SPATA16: variants seen among roughly 807,000 people sequenced by gnomAD.
SPATA16 encodes spermatogenesis-associated protein 16.
Under a neutral mutation model 63.3 loss-of-function variants are expected in SPATA16, and 36 were observed. The ratio of observed to expected loss-of-function variants is 0.57; its 90% CI spans 0.44 to 0.75. SPATA16 has a LOEUF of 0.75. Ranked by LOEUF, SPATA16 falls within the 30% of genes least tolerant of loss-of-function variation. The pLI, the probability that SPATA16 is intolerant of heterozygous loss-of-function variation, is 0.00. For synonymous variants in SPATA16, 203 were observed against 216.7 expected, an observed-to-expected ratio of 0.94 and a Z score of 0.56; for missense variants, 646 against 679.3, an observed-to-expected ratio of 0.95 and a Z score of 0.54.
chr3:172,956,621 A>G (rs907030864), intron 6 of SPATA16, 56 bp downstream of exon 6: 4 of 1,565,524 alleles, frequency 2.6e-6, no homozygotes, highest in African/African-American at 1.4e-5. Context: ...AGAACCCTGT[A>G]TTTGTTTTAT....
rs772179095 is a variant in SPATA16 at position 173,049,034 on chromosome 3, T to C, written c.673A>G (p.Ser225Gly). The C allele has an allele frequency of 4.3e-6, 7 of 1,613,706 alleles. No individual in the cohort carries two copies. The highest frequency in any genetic ancestry group is 5.9e-6 in the Non-Finnish European group (7 of 1,179,790). Residue 225 changes from serine (S) to glycine (G), a missense_variant, in exon 3 of 11, where the codon AGC becomes GGC. By Grantham distance (56) the Ser-to-Gly change is moderately conservative. Transcript: ENST00000351008. ...TTTGTCTCAATGAAACTTGCCACGCTTGCTATATCTTCAGCAGGTGCATCA... is the reference window on the plus strand; with the variant it reads ...TTTGTCTCAATGAAACTTGCCACGCCTGCTATATCTTCAGCAGGTGCATCA... ...PFDAPAEDIA[S>G]VASFIETKLV...
intron 4 of SPATA16, among the ~76,000 whole-genome samples, chr3:172,984,742 T>G (rs1203263220): frequency 3.9e-5 from 6 of 152,176 alleles, no homozygotes; most frequent in Admixed American, 2.0e-4. Context: ...TGATGGGAAT[T>G]TTTCTTGAGG....
chr3:173,126,129 T>G (rs1157046818), intron 1 of SPATA16, among the ~76,000 whole-genome samples: 1 of 151,024 alleles, frequency 6.6e-6, no homozygotes, highest in Admixed American at 6.6e-5. Context: ...TATTGTAGTC[T>G]TTGTTAGGGA....
intron 2 of SPATA16, among the ~76,000 whole-genome samples, chr3:173,102,075 A>T (rs984242573): frequency 9.2e-5 from 14 of 152,200 alleles, no homozygotes; most frequent in Admixed American, 9.2e-4. Context: ...ATTTTCATGT[A>T]GATTCATGAT....
intron 4 of SPATA16, among the ~76,000 whole-genome samples, chr3:172,995,059 A>C (rs760981283): frequency 4.6e-5 from 7 of 152,128 alleles, no homozygotes; most frequent in African/African-American, 7.2e-5. Context: ...GGGAATCATT[A>C]GTATATTGAT....
intron 2 of SPATA16, among the ~76,000 whole-genome samples, chr3:173,073,545 C>T (rs1736721706): frequency 6.6e-6 from 1 of 152,236 alleles, no homozygotes; most frequent in Non-Finnish European, 1.5e-5. Flanking sequence ...GCCATGGCAG[C>T]TTCCACATGG....
At chr3:173,083,554 G>A (rs1327443338) in intron 2 of SPATA16, among the ~76,000 whole-genome samples, 2 of 152,048 alleles carry the variant, frequency 1.3e-5, no homozygotes, top group Admixed American at 6.6e-5. Flanking sequence ...ATAGGTAAAC[G>A]TGCGCCCTGG....
intron 3 of SPATA16, among the ~76,000 whole-genome samples, chr3:173,044,491 C>T (rs1318939151): frequency 6.6e-6 from 1 of 152,150 alleles, no homozygotes; most frequent in South Asian, 2.1e-4. Flanking sequence ...CATCTCTTCA[C>T]TCATTACAAC....
At chr3:173,113,461 C>T (rs1351304852) in intron 2 of SPATA16, among the ~76,000 whole-genome samples, 3 of 152,066 alleles carry the variant, frequency 2.0e-5, no homozygotes, top group Non-Finnish European at 4.4e-5. Flanking sequence ...AGAAAGCATG[C>T]AAAAATAAGT....
chr3:173,093,517 G>A (rs182647055), intron 2 of SPATA16, among the ~76,000 whole-genome samples: 4 of 152,088 alleles, frequency 2.6e-5, no homozygotes, highest in Admixed American at 1.3e-4. Context: ...CACAGAAGAG[G>A]CACACAATAA....
At chr3:173,117,033 A>C (rs1737915814) in intron 2 of SPATA16, 87 bp downstream of exon 2, 27 of 1,305,226 alleles carry the variant, frequency 2.1e-5, no homozygotes, top group Non-Finnish European at 3.0e-5. Context: ...ACTGCTTATT[A>C]CAGTATGGCC....
At chr3:172,986,745 C>T (rs541298992) in intron 4 of SPATA16, among the ~76,000 whole-genome samples, 5 of 152,118 alleles carry the variant, frequency 3.3e-5, no homozygotes, top group South Asian at 2.1e-4. Flanking sequence ...AGCTGTTGTA[C>T]GGTTTTAAAT....
chr3:172,896,017 T>TA (rs1160600427), intron 10 of SPATA16, among the ~76,000 whole-genome samples: 3 of 151,878 alleles, frequency 2.0e-5, no homozygotes. Flanking sequence ...GCTGATTGGT[T>TA]GGATTGGAAA....
intron 2 of SPATA16, among the ~76,000 whole-genome samples, chr3:173,113,392 G>A (rs1338367031): frequency 6.6e-6 from 1 of 152,070 alleles, no homozygotes; most frequent in Non-Finnish European, 1.5e-5. Context: ...TTGATGAGGT[G>A]GTCATAGAGC....
rs1272773133 is a variant in SPATA16, at chr3:173,117,704, C to A, written c.28G>T (p.Glu10Ter). The A allele has an allele frequency of 6.2e-7, 1 of 1,614,124 alleles. No individual in the cohort carries two copies. The highest frequency in any genetic ancestry group is 8.5e-7 in the Non-Finnish European group (1 of 1,180,000). The change falls in exon 2 of 11, where the codon GAG becomes TAG. Residue 10 changes from glutamate (E) to a stop codon, truncating the protein, a stop_gained. Transcript: ENST00000351008. LOFTEE classifies it high-confidence loss of function. ...TGATAGATCCTATTCACTGCATTCT[C>A]CAAACTCCTACTGCTTCCTGCATCC... MDAGSSRSL[E>*]NAVNRIYHDQ...
intron 10 of SPATA16, among the ~76,000 whole-genome samples, chr3:172,898,236 CTGGGATAATACTAGAT>C (rs1402360350): frequency 6.6e-6 from 1 of 151,796 alleles, no homozygotes; most frequent in Non-Finnish European, 1.5e-5. Flanking sequence ...CCATTTGGTA[CTGGGATAATACTAGAT>C]TTATAACATG....
At chr3:173,010,547 C>G (rs1043160004) in intron 4 of SPATA16, among the ~76,000 whole-genome samples, 1 of 151,982 alleles carries the variant, frequency 6.6e-6, no homozygotes, top group Admixed American at 6.5e-5. Flanking sequence ...GTGGTCCTTA[C>G]CCCTGCTGCC....
At chr3:173,100,233 A>G (rs898319195) in intron 2 of SPATA16, among the ~76,000 whole-genome samples, 17 of 152,184 alleles carry the variant, frequency 1.1e-4, no homozygotes, top group African/African-American at 3.9e-4. Flanking sequence ...CAATATTTCA[A>G]TGACTTCTTT....
intron 6 of SPATA16, among the ~76,000 whole-genome samples, chr3:172,953,313 CCTGGCTTG>C (rs1426095318): frequency 1.3e-5 from 2 of 149,422 alleles, no homozygotes; most frequent in Admixed American, 1.3e-4. Flanking sequence ...TCCTAAGGGT[CCTGGCTTG>C]CTGGAGAATG....
Sources: allele counts gnomAD v4.1 joint callset (sites outside exome capture counted in the v4.1 genomes callset), GRCh38; gene constraint gnomAD v4.1.1; transcripts MANE v1.5; gene names NCBI Gene and HGNC (gene_info 2026-07-23, HGNC 2026-07-21).